Variants in SDK1 observed in about 807,000 individuals in gnomAD.
SDK1 encodes the protein protein sidekick-1.
In SDK1, 157 loss-of-function variants were observed where a neutral mutation model predicts 245.5. That is an observed-to-expected ratio of 0.64 (90% confidence interval 0.56 to 0.73). The LOEUF is 0.73. Ranked by LOEUF, SDK1 falls within the 30% of genes least tolerant of loss-of-function variation. The pLI is 0.00. For missense variants in SDK1, 3,583 were observed against 3,002.3 expected (o/e 1.19, Z -4.52); for synonymous variants, 1,647 against 1,278.5 (o/e 1.29, Z -6.15).
intron 30 of SDK1, 114 bp downstream of exon 30, chr7:4,149,577 C>A: frequency 1.6e-6 from 1 of 622,452 alleles, no homozygotes; most frequent in Non-Finnish European, 2.5e-6. Context: ...CCCCTGAGAG[C>A]ACAGGCCCCC....
chr7:3,377,241 A>G (rs914841024), intron 1 of SDK1, among the ~76,000 whole-genome samples: 2 of 152,062 alleles, frequency 1.3e-5, no homozygotes, highest in African/African-American at 4.8e-5. Context: ...GTGTGTCTTC[A>G]TCTTGCTCCT....
At chr7:3,721,075 A>C (rs1785352337) in intron 4 of SDK1, among the ~76,000 whole-genome samples, 1 of 152,192 alleles carries the variant, frequency 6.6e-6, no homozygotes, top group Non-Finnish European at 1.5e-5. Flanking sequence ...AATGGAGAAG[A>C]GATCTTTTGT....
At chr7:4,168,379 A>G (rs906127418) in intron 32 of SDK1, among the ~76,000 whole-genome samples, 4 of 152,226 alleles carry the variant, frequency 2.6e-5, no homozygotes, top group East Asian at 1.9e-4. Flanking sequence ...CGGATTGGCC[A>G]TTTCTTATAG....
chr7:3,508,260 T>C (rs1270675245), intron 1 of SDK1, among the ~76,000 whole-genome samples: 1 of 152,016 alleles, frequency 6.6e-6, no homozygotes, highest in South Asian at 2.1e-4. Context: ...CTCTCAAAAG[T>C]ATGCCCCAAA....
chr7:4,170,588 G>A (rs1371064973), intron 32 of SDK1, among the ~76,000 whole-genome samples: 4 of 152,156 alleles, frequency 2.6e-5, no homozygotes, highest in East Asian at 1.9e-4. Context: ...CGACACTGTC[G>A]GGAGCCAGAT....
At chr7:3,812,373 C>G (rs780481151) in intron 4 of SDK1, among the ~76,000 whole-genome samples, 75 of 152,144 alleles carry the variant, frequency 4.9e-4, no homozygotes, top group Non-Finnish European at 4.9e-4. Flanking sequence ...AAAGGTGTAT[C>G]TGAACGTATT....
intron 4 of SDK1, among the ~76,000 whole-genome samples, chr7:3,731,480 C>G (rs1779177029): frequency 6.6e-6 from 1 of 152,174 alleles, no homozygotes; most frequent in African/African-American, 2.4e-5. Context: ...CGACGAGTTG[C>G]CAGATGACGT....
chr7:4,116,975 C>T (rs368298468), intron 25 of SDK1, among the ~76,000 whole-genome samples: 11 of 152,190 alleles, frequency 7.2e-5, no homozygotes, highest in African/African-American at 2.7e-4. Context: ...CCACATGCAG[C>T]CTGGGATTGT....
chr7:3,744,168 C>G (rs1054717217), intron 4 of SDK1, among the ~76,000 whole-genome samples: 1 of 152,054 alleles, frequency 6.6e-6, no homozygotes, highest in Non-Finnish European at 1.5e-5. Flanking sequence ...GCCTGGTGCC[C>G]CACTTTATTT....
intron 4 of SDK1, among the ~76,000 whole-genome samples, chr7:3,810,078 C>A (rs528547127): frequency 2.0e-5 from 3 of 152,006 alleles, no homozygotes; most frequent in African/African-American, 7.3e-5. Flanking sequence ...GTGTTTTATT[C>A]TCTTGCTATA....
At chr7:4,038,136 C>T (rs1007634741) in intron 17 of SDK1, among the ~76,000 whole-genome samples, 4 of 152,178 alleles carry the variant, frequency 2.6e-5, no homozygotes, top group South Asian at 2.1e-4. Context: ...TGGCTAACGG[C>T]GCCACAGGAA....
intron 5 of SDK1, among the ~76,000 whole-genome samples, chr7:3,850,381 A>G: frequency 6.6e-6 from 1 of 152,232 alleles, no homozygotes; most frequent in East Asian, 1.9e-4. Context: ...TCTGGAATGA[A>G]AATAAGATGC....
At chr7:3,759,301 A>G (rs1583384021) in intron 4 of SDK1, among the ~76,000 whole-genome samples, 1 of 152,354 alleles carries the variant, frequency 6.6e-6, no homozygotes, top group African/African-American at 2.4e-5. Flanking sequence ...TTAATAGGGA[A>G]TGCTCATGTT....
At chr7:3,415,173 A>G (rs145015897) in intron 1 of SDK1, among the ~76,000 whole-genome samples, 2 of 152,322 alleles carry the variant, frequency 1.3e-5, no homozygotes, top group African/African-American at 2.4e-5. Context: ...CACAGTAGCT[A>G]TGAAAGGAAC....
At chr7:3,846,486 G>A (rs923119788) in intron 5 of SDK1, among the ~76,000 whole-genome samples, 7 of 152,190 alleles carry the variant, frequency 4.6e-5, no homozygotes, top group South Asian at 2.1e-4. Flanking sequence ...GCTTTACTGC[G>A]GACTGCCTTC....
intron 13 of SDK1, among the ~76,000 whole-genome samples, chr7:3,975,316 A>G (rs1329080197): frequency 3.3e-5 from 5 of 152,230 alleles, no homozygotes; most frequent in Non-Finnish European, 7.3e-5. Flanking sequence ...CCGAGCACTC[A>G]TCAAGGCAGT....
intron 1 of SDK1, among the ~76,000 whole-genome samples, chr7:3,358,222 A>T (rs1010769987): frequency 6.6e-6 from 1 of 152,048 alleles, no homozygotes; most frequent in Non-Finnish European, 1.5e-5. Context: ...GGGTTTCACC[A>T]TGTTGGCCAG....
At chr7:3,587,632 A>T (rs1780733996) in intron 1 of SDK1, among the ~76,000 whole-genome samples, 1 of 152,176 alleles carries the variant, frequency 6.6e-6, no homozygotes, top group East Asian at 1.9e-4. Flanking sequence ...TACATCGGGG[A>T]TGGCCGTCTG....
chr7:3,358,357 G>A (rs911274279), intron 1 of SDK1, among the ~76,000 whole-genome samples: 8 of 151,174 alleles, frequency 5.3e-5, no homozygotes, highest in African/African-American at 1.9e-4. Flanking sequence ...GGTGATCTTT[G>A]ACAATTTGTT....
Sources: gnomAD v4.1 joint callset for allele counts (sites outside exome capture counted in the v4.1 genomes callset) on GRCh38, gnomAD v4.1.1 for gene constraint, MANE v1.5 for transcripts, NCBI Gene and HGNC (gene_info 2026-07-23, HGNC 2026-07-21) for gene names.